Variants in WWOX observed in about 807,000 individuals in gnomAD.
WWOX encodes WW domain-containing oxidoreductase.
Under a neutral mutation model 46.2 loss-of-function variants are expected in WWOX, and 69 were observed. That is an observed-to-expected ratio of 1.49 (90% confidence interval 1.23 to 1.82). The LOEUF is 1.82. Ranked by LOEUF, WWOX falls within the 40% of genes most tolerant of loss-of-function variation. The pLI, the probability that WWOX is intolerant of heterozygous loss-of-function variation, is 0.00. For missense variants in WWOX, 919 were observed against 542.6 expected, an observed-to-expected ratio of 1.69 and a Z score of -6.89; for synonymous variants, 359 against 202.6, an observed-to-expected ratio of 1.77 and a Z score of -6.56.
intron 8 of WWOX, among the ~76,000 whole-genome samples, chr16:78,603,679 G>T (rs1352345727): frequency 6.6e-6 from 1 of 152,114 alleles, no homozygotes; most frequent in African/African-American, 2.4e-5. Flanking sequence ...GGGCAACAGA[G>T]TGAGACACTC....
At chr16:78,914,662 G>T (rs1010308562) in intron 8 of WWOX, among the ~76,000 whole-genome samples, 1 of 151,672 alleles carries the variant, frequency 6.6e-6, no homozygotes, top group Non-Finnish European at 1.5e-5. Context: ...GGCAGATCAC[G>T]AGGTCAGGAG....
intron 8 of WWOX, among the ~76,000 whole-genome samples, chr16:79,102,690 T>A (rs62038834): frequency 2.0e-5 from 3 of 151,930 alleles, no homozygotes; most frequent in African/African-American, 4.8e-5. Flanking sequence ...TGCATAAAGA[T>A]GTCAAGTCTT....
chr16:78,385,542 G>C (rs940143652), intron 5 of WWOX, among the ~76,000 whole-genome samples: 1 of 152,110 alleles, frequency 6.6e-6, no homozygotes, highest in African/African-American at 2.4e-5. Flanking sequence ...GTCACTGCCT[G>C]ATGTTTACTG....
At chr16:79,016,935 GGT>G (rs1343660532) in intron 8 of WWOX, 2 of 152,214 alleles carry the variant, frequency 1.3e-5, no homozygotes, top group Non-Finnish European at 2.9e-5. Context: ...CCTGACCTCA[GGT>G]GATCCGACCA....
intron 8 of WWOX, among the ~76,000 whole-genome samples, chr16:79,084,242 G>T (rs1238617230): frequency 6.6e-6 from 1 of 152,110 alleles, no homozygotes; most frequent in East Asian, 1.9e-4. Flanking sequence ...CTAGTGAAGA[G>T]GTGAGGAAGG....
rs534118368 is a variant in WWOX at position 78,461,712 on chromosome 16, T to C, written c.1056+28960T>C. On this transcript the variant is annotated intron_variant, in intron 8 of 8. Coordinates refer to ENST00000566780, the MANE Select transcript of WWOX (RefSeq NM_016373.4). Reference sequence around the variant, plus strand: ...CATGTAAAAATACACTGCAAGTCGATTGGACATGCCCTATGAATTATACCT... The same window carrying C: ...CATGTAAAAATACACTGCAAGTCGACTGGACATGCCCTATGAATTATACCT... 7.6e-4 allele frequency among the ~76,000 whole-genome samples: 116 copies of C among 152,348 alleles called. 1 individual carries two copies. Among genetic ancestry groups the C allele is most frequent in the African/African-American group, 2.7e-3 (112 of 41,572 alleles).
intron 8 of WWOX, among the ~76,000 whole-genome samples, chr16:79,092,115 A>G (rs944646741): frequency 4.1e-4 from 63 of 152,036 alleles, no homozygotes; most frequent in African/African-American, 1.5e-3. Context: ...TGTAATTCAG[A>G]TCAGTCTTGC....
At chr16:79,018,215 C>T (rs1419710688) in intron 8 of WWOX, among the ~76,000 whole-genome samples, 1 of 152,146 alleles carries the variant, frequency 6.6e-6, no homozygotes, top group Non-Finnish European at 1.5e-5. Flanking sequence ...TTTGCCTTTA[C>T]CAAGGCTAGT....
Position 79,019,896 on chromosome 16 carries a change from C to T in WWOX, c.1057-191712C>T, listed in dbSNP as rs529996095. 1.8e-4 allele frequency among the ~76,000 whole-genome samples: 27 copies of T among 152,278 alleles called. No homozygotes were observed. The South Asian group carries it at 5.4e-3, about 30-fold the overall frequency. On this transcript the variant is annotated intron_variant, in intron 8 of 8. Coordinates refer to ENST00000566780, the MANE Select transcript of WWOX (RefSeq NM_016373.4). ...CCTCGGATCCTCAATGTTCTTTTCC[C>T]TCTAATGGGGGTAAATATACTTAAT... is the stretch of plus-strand genomic sequence containing the variant.
chr16:78,716,384 C>T (rs1364882815), intron 8 of WWOX, among the ~76,000 whole-genome samples: 1 of 152,100 alleles, frequency 6.6e-6, no homozygotes, highest in Non-Finnish European at 1.5e-5. Context: ...GAGTACATTG[C>T]TGTTCTAAGC....
In WWOX at chr16:78,476,948, C is replaced by T. The variant is rs547066382; in HGVS notation, c.1056+44196C>T. On this transcript the variant is annotated intron_variant, in intron 8 of 8. Transcript: ENST00000566780. ...TCCGTCCTTCCTCCTTCAGTTCCCT[C>T]TTTCCTCTTTTTCACCCTTTTATTT... 6.2e-4 allele frequency among the ~76,000 whole-genome samples: 94 copies of T among 152,178 alleles called. 1 individual carries two copies. The highest frequency in any genetic ancestry group is 8.3e-4 in the South Asian group (4 of 4,822).
intron 8 of WWOX, among the ~76,000 whole-genome samples, chr16:79,095,860 CTTTTTTTTTTT>C (rs775730124): frequency 1.0e-4 from 12 of 118,492 alleles, no homozygotes; most frequent in Non-Finnish European, 1.9e-4. Context: ...CTCTCTCTCT[CTTTTTTTTTTT>C]TTTTTTTTTT....
intron 8 of WWOX, among the ~76,000 whole-genome samples, chr16:78,893,676 T>C (rs549547931): frequency 2.8e-4 from 42 of 152,306 alleles, no homozygotes; most frequent in African/African-American, 9.9e-4. Context: ...TGAGGTTCCC[T>C]GGTATTTTCC....
intron 8 of WWOX, among the ~76,000 whole-genome samples, chr16:78,543,082 T>G (rs534576600): frequency 3.3e-5 from 5 of 152,248 alleles, no homozygotes; most frequent in Non-Finnish European, 7.3e-5. Context: ...TGTGTTTCAT[T>G]TCTTGCTCAT....
intron 5 of WWOX, chr16:78,167,538 A>C (rs1423045792): frequency 6.6e-6 from 1 of 152,234 alleles, no homozygotes; most frequent in Non-Finnish European, 1.5e-5. Context: ...CAAAACTAAT[A>C]CACGTGGCTC....
At chr16:78,495,020 A>G (rs151209019) in intron 8 of WWOX, among the ~76,000 whole-genome samples, 1 of 152,308 alleles carries the variant, frequency 6.6e-6, no homozygotes, top group African/African-American at 2.4e-5. Flanking sequence ...CCCCTCGGAC[A>G]TGACGTACTG....
At chr16:78,690,587 G>A (rs2142263547) in intron 8 of WWOX, among the ~76,000 whole-genome samples, 1 of 152,216 alleles carries the variant, frequency 6.6e-6, no homozygotes, top group East Asian at 1.9e-4. Flanking sequence ...TTTATTGAAT[G>A]AAGACATGAA....
intron 5 of WWOX, among the ~76,000 whole-genome samples, chr16:78,385,428 A>G (rs1418943575): frequency 6.6e-6 from 1 of 152,212 alleles, no homozygotes; most frequent in East Asian, 1.9e-4. Context: ...ATGAACATGT[A>G]TCGTTACAAA....
intron 8 of WWOX, among the ~76,000 whole-genome samples, chr16:78,539,752 C>T (rs981341828): frequency 7.9e-5 from 12 of 152,164 alleles, no homozygotes; most frequent in African/African-American, 1.2e-4. Flanking sequence ...ATGCTAATGT[C>T]GGGGTGAGAT....
Sources: gnomAD v4.1 joint callset for allele counts (sites outside exome capture counted in the v4.1 genomes callset) on GRCh38, gnomAD v4.1.1 for gene constraint, MANE v1.5 for transcripts, NCBI Gene and HGNC (gene_info 2026-07-23, HGNC 2026-07-21) for gene names.